The following SUMF1 variants were observed in gnomAD, a reference collection of about 807,000 sequenced individuals.
SUMF1 encodes sulfatase modifying factor 1.
Under a neutral mutation model 47.6 loss-of-function variants are expected in SUMF1, and 48 were observed. The observed-to-expected ratio is 1.01, with a 90% CI of 0.80 to 1.28. The LOEUF is 1.28. Among genes scored for constraint, SUMF1 ranks in the 50% most tolerant of loss-of-function variants. The pLI is 0.00. For synonymous variants in SUMF1, 230 were observed against 192.1 expected (o/e 1.20, Z -1.63); for missense variants, 571 against 485.4 (o/e 1.18, Z -1.66).
intron 8 of SUMF1, among the ~76,000 whole-genome samples, chr3:4,252,140 G>T (rs1696816568): frequency 6.6e-6 from 1 of 152,100 alleles, no homozygotes. Context: ...GAGTAACACT[G>T]CACAAATCAG....
At chr3:4,332,416 G>A (rs768037700) in intron 8 of SUMF1, among the ~76,000 whole-genome samples, 7 of 152,218 alleles carry the variant, frequency 4.6e-5, no homozygotes, top group Non-Finnish European at 8.8e-5. Flanking sequence ...CAGAGCTAAG[G>A]CATTAGGCCT....
chr3:4,093,634 T>C (rs542700127), intron 8 of SUMF1, among the ~76,000 whole-genome samples: 8 of 152,112 alleles, frequency 5.3e-5, no homozygotes, highest in South Asian at 2.1e-4. Context: ...GAATTGCAAA[T>C]GGTTTGGTGG....
At chr3:4,178,139 T>C (rs1387476834) in intron 8 of SUMF1, among the ~76,000 whole-genome samples, 1 of 152,228 alleles carries the variant, frequency 6.6e-6, no homozygotes, top group African/African-American at 2.4e-5. Flanking sequence ...CCATTTCTTC[T>C]GGAACTATTC....
chr3:4,084,835 T>C (rs528953596), intron 8 of SUMF1, among the ~76,000 whole-genome samples: 2 of 152,242 alleles, frequency 1.3e-5, no homozygotes, highest in East Asian at 1.9e-4. Context: ...TGTGTGGTTA[T>C]CTTGTTTAAA....
At chr3:4,351,719 C>T (rs183795100) in intron 8 of SUMF1, among the ~76,000 whole-genome samples, 5 of 152,232 alleles carry the variant, frequency 3.3e-5, no homozygotes, top group African/African-American at 4.8e-5. Flanking sequence ...GATGGAAACA[C>T]GTCTTTCAAA....
At chr3:4,038,195 G>C (rs1318732329) in intron 9 of SUMF1, among the ~76,000 whole-genome samples, 1 of 152,152 alleles carries the variant, frequency 6.6e-6, no homozygotes, top group Non-Finnish European at 1.5e-5. Flanking sequence ...TGTGGCTGAT[G>C]GTCTTTCACT....
intron 8 of SUMF1, among the ~76,000 whole-genome samples, chr3:4,271,728 C>A (rs1230323861): frequency 6.6e-6 from 1 of 152,170 alleles, no homozygotes; most frequent in Non-Finnish European, 1.5e-5. Context: ...TCTCAAACTC[C>A]TAGCCTCAAG....
chr3:4,048,148 C>A (rs1695039583), intron 9 of SUMF1, among the ~76,000 whole-genome samples: 1 of 152,070 alleles, frequency 6.6e-6, no homozygotes. Context: ...TATTTTTATT[C>A]AAACCTTTTC....
At chr3:4,434,989 G>A (rs1362256694) in intron 3 of SUMF1, among the ~76,000 whole-genome samples, 2 of 152,112 alleles carry the variant, frequency 1.3e-5, no homozygotes, top group African/African-American at 2.4e-5. Flanking sequence ...GTGCAGTGGC[G>A]TGATCTCAGC....
chr3:4,399,162 T>C (rs1701129811), intron 7 of SUMF1, among the ~76,000 whole-genome samples: 1 of 152,162 alleles, frequency 6.6e-6, no homozygotes, highest in South Asian at 2.1e-4. Flanking sequence ...AAAAGTCCCA[T>C]ACAAATGCAA....
At chr3:4,332,765 A>G (rs771719532) in intron 8 of SUMF1, among the ~76,000 whole-genome samples, 4 of 152,132 alleles carry the variant, frequency 2.6e-5, no homozygotes, top group Non-Finnish European at 4.4e-5. Flanking sequence ...TTCCCTGGTA[A>G]AGGTCCCACC....
At chr3:4,236,044 G>A (rs188903406) in intron 8 of SUMF1, among the ~76,000 whole-genome samples, 21 of 151,842 alleles carry the variant, frequency 1.4e-4, no homozygotes, top group Non-Finnish European at 1.3e-4. Flanking sequence ...CCTGTCTCAA[G>A]CCATTCCCCT....
chr3:4,135,053 G>A (rs1048445349), intron 8 of SUMF1, among the ~76,000 whole-genome samples: 15 of 152,110 alleles, frequency 9.9e-5, no homozygotes, highest in African/African-American at 3.4e-4. Flanking sequence ...ACACGGAGGA[G>A]CTGGTACCAT....
intron 8 of SUMF1, among the ~76,000 whole-genome samples, chr3:4,096,395 A>G (rs764571756): frequency 2.8e-4 from 42 of 152,238 alleles, no homozygotes; most frequent in Middle Eastern, 3.4e-3. Context: ...CTCTTTCACA[A>G]TAAGTTTTAA....
intron 8 of SUMF1, among the ~76,000 whole-genome samples, chr3:4,239,717 CAG>C (rs1322149826): frequency 2.6e-5 from 4 of 152,150 alleles, no homozygotes; most frequent in African/African-American, 7.2e-5. Context: ...CATCTGCAAA[CAG>C]AGACAATTGG....
chr3:4,420,528 C>T (rs144667787), intron 3 of SUMF1, among the ~76,000 whole-genome samples: 2,302 of 151,808 alleles, frequency 0.015, 69 homozygotes, highest in African/African-American at 0.053. Flanking sequence ...TCCCGAGTAG[C>T]TGGGACTACA....
chr3:4,161,985 G>C (rs937313981), intron 8 of SUMF1, among the ~76,000 whole-genome samples: 1 of 152,122 alleles, frequency 6.6e-6, no homozygotes, highest in African/African-American at 2.4e-5. Flanking sequence ...TACCACTGCT[G>C]ATTTTTCAGG....
intron 9 of SUMF1, among the ~76,000 whole-genome samples, chr3:4,068,070 A>G (rs1695420067): frequency 6.6e-6 from 1 of 152,202 alleles, no homozygotes; most frequent in African/African-American, 2.4e-5. Context: ...CACCACATGG[A>G]GGAAGAGAAA....
intron 8 of SUMF1, among the ~76,000 whole-genome samples, chr3:4,349,860 T>C (rs1431810343): frequency 2.0e-5 from 3 of 151,108 alleles, no homozygotes; most frequent in African/African-American, 7.3e-5. Context: ...GGGAAGGAAG[T>C]TGGAGGATGG....
Sources: allele counts gnomAD v4.1 joint callset (sites outside exome capture counted in the v4.1 genomes callset), GRCh38; gene constraint gnomAD v4.1.1; transcripts MANE v1.5; gene names NCBI Gene and HGNC (gene_info 2026-07-23, HGNC 2026-07-21).